The following UPF1 variants were observed in gnomAD, a reference collection of about 807,000 sequenced individuals.
UPF1 encodes the protein regulator of nonsense transcripts 1.
Under a neutral mutation model 129.2 loss-of-function variants are expected in UPF1, and 9 were observed. The observed-to-expected ratio is 0.07, with a 90% CI of 0.04 to 0.12. The LOEUF (loss-of-function observed/expected upper bound fraction) is 0.12, where lower values mean the gene tolerates loss of function less well. UPF1 is among the 10% of genes least tolerant of loss of function. UPF1 has a pLI of 1.00. For synonymous variants in UPF1, 649 were observed against 644.9 expected (o/e 1.01, Z -0.10); for missense variants, 788 against 1,525.3 (o/e 0.52, Z 8.05).
chr19:18,832,078 GC>G lies in UPF1; in HGVS notation c.-131del. The stretch of plus-strand genomic sequence containing the variant: ...CTCTCGGTCCGGCTGGCGCCGGGGC[GC>G]GCGGTTTGGTCCTTTCCGGGCGCGC... On this transcript the variant is annotated 5_prime_UTR_variant, in exon 1 of 24. Coordinates refer to ENST00000262803, the MANE Select transcript of UPF1 (RefSeq NM_002911.4). The surrounding 1 kb of genome is among the most constrained non-coding windows in gnomAD (Gnocchi z 5.6). 1.2e-6 allele frequency: 1 copy of G among 825,658 alleles called. No individual in the cohort carries two copies. The highest frequency in any genetic ancestry group is 1.6e-6 in the Non-Finnish European group (1 of 608,702). 51.1% of individuals were successfully genotyped at this position (825,658 alleles called of 1,614,324 possible).
intron 11 of UPF1, 159 bp downstream of exon 11, chr19:18,855,401 G>C: frequency 3.9e-6 from 3 of 775,236 alleles, no homozygotes; most frequent in South Asian, 3.7e-5. Context: ...GACATTATTC[G>C]TGTCAGCTCC....
Position 18,851,585 on chromosome 19 carries a change from C to T in UPF1, c.811-550C>T, listed in dbSNP as rs533537223. On this transcript the variant is annotated intron_variant, in intron 5 of 23. Coordinates refer to ENST00000262803, the MANE Select transcript of UPF1 (RefSeq NM_002911.4). The surrounding 1 kb of genome is among the most constrained non-coding windows in gnomAD (Gnocchi z 4.2). ...TATATCTGAACAGCCCAGAAAATGT[C>T]CTGTCCCCACCAGCATGGCACTCAC... Among the ~76,000 whole-genome samples, 1 of 152,210 alleles carries T rather than the reference C, an allele frequency of 6.6e-6. No homozygotes were observed. The highest frequency in any genetic ancestry group is 6.5e-5 in the Admixed American group (1 of 15,290).
chr19:18,857,079 G>C (rs759114497), intron 14 of UPF1, 59 bp downstream of exon 14: 1 of 1,573,286 alleles, frequency 6.4e-7, no homozygotes, highest in Non-Finnish European at 8.6e-7. Context: ...CTTGGTGTTT[G>C]TCTTTTAAAA....
Position 18,832,486 on chromosome 19 carries a change from G to T in UPF1, c.231+46G>T. ...CCGGAAGCCCGGGCCCGGCCTCGGCGCCTGAGACCTGCCCCGAACTCGCCT... is the reference window on the plus strand; with the variant it reads ...CCGGAAGCCCGGGCCCGGCCTCGGCTCCTGAGACCTGCCCCGAACTCGCCT... On this transcript the variant is annotated intron_variant, in intron 1 of 23. Transcript: ENST00000262803. This position sits in a 1 kb window ranked among gnomAD's most constrained non-coding sequence, Gnocchi z 5.6. The T allele has an allele frequency of 8.0e-6, 8 of 995,260 alleles. No individual in the cohort carries two copies. The highest frequency in any genetic ancestry group is 9.6e-6 in the Non-Finnish European group (8 of 835,418). The allele number at this position is 995,260 out of a possible 1,614,324, so 61.7% of individuals were successfully genotyped here. A position where few individuals can be genotyped will look rare whatever the true frequency, so the allele number is the denominator to read the frequency against.
intron 1 of UPF1, among the ~76,000 whole-genome samples, chr19:18,837,192 C>T (rs916874263): frequency 6.6e-5 from 10 of 151,904 alleles, no homozygotes; most frequent in African/African-American, 1.7e-4. Context: ...TGGGCTCAAG[C>T]GATCCTTCCA....
chr19:18,857,817 T>C (rs1281960153), intron 15 of UPF1, among the ~76,000 whole-genome samples: 1 of 152,240 alleles, frequency 6.6e-6, no homozygotes, highest in East Asian at 1.9e-4. Flanking sequence ...GACAGGCTGT[T>C]AGGGGAGCTG....
intron 19 of UPF1, 95 bp downstream of exon 19, chr19:18,863,707 T>G: frequency 1.5e-6 from 2 of 1,372,374 alleles, no homozygotes; most frequent in African/African-American, 1.5e-5. Flanking sequence ...GCCCGTGAGC[T>G]GAGGGAGGGC....
intron 18 of UPF1, 105 bp downstream of exon 18, chr19:18,862,257 C>G (rs1350976375): frequency 6.0e-6 from 9 of 1,499,878 alleles, no homozygotes; most frequent in Non-Finnish European, 7.1e-6. Context: ...GGTCAGAGGA[C>G]TCTGAGCAGC....
In UPF1 at chr19:18,832,901, C is replaced by T. The variant is rs1306398838; in HGVS notation, c.231+461C>T. Among the ~76,000 whole-genome samples the T allele has an allele frequency of 6.6e-6, 1 of 152,162 alleles. No individual in the cohort carries two copies. The highest frequency in any genetic ancestry group is 1.5e-5 in the Non-Finnish European group (1 of 68,016). Reference sequence around the variant, plus strand: ...TTCCATTCCATCCGGGCTAGGGTGACCTGCCCTGGTCCCTCTTTCGCAGGT... The same window carrying T: ...TTCCATTCCATCCGGGCTAGGGTGATCTGCCCTGGTCCCTCTTTCGCAGGT... On this transcript the variant is annotated intron_variant, in intron 1 of 23. Transcript: ENST00000262803. The surrounding 1 kb of genome is among the most constrained non-coding windows in gnomAD (Gnocchi z 5.6).
rs763972036 is a variant in UPF1, at chr19:18,865,031, G to A, written c.2858-258G>A. ...ATTATAGGCTTGAGCCAACACGCCC[G>A]GCCCCAATTTTCAGTTTTTAAGATC... On this transcript the variant is annotated intron_variant, in intron 20 of 23. Transcript: ENST00000262803. This position sits in a 1 kb window ranked among gnomAD's most constrained non-coding sequence, Gnocchi z 6.1. Among the ~76,000 whole-genome samples, 2 of 152,184 alleles carry A rather than the reference G, an allele frequency of 1.3e-5. No homozygotes were observed. Among genetic ancestry groups the A allele is most frequent in the Non-Finnish European group, 1.5e-5 (1 of 68,034 alleles).
intron 16 of UPF1, among the ~76,000 whole-genome samples, 190 bp from the exon 17 acceptor site, chr19:18,860,636 A>C (rs1206003614): frequency 1.3e-5 from 2 of 152,176 alleles, no homozygotes; most frequent in African/African-American, 4.8e-5. Context: ...GATACTTGCT[A>C]ATCCCACATG....
rs1022791260 is a variant in UPF1, at chr19:18,860,682, A to G, written c.2301-144A>G. 98 of 1,229,500 alleles carry G rather than the reference A, an allele frequency of 8.0e-5. No individual in the cohort carries two copies. The African/African-American group carries it at 1.4e-3, about 17-fold the overall frequency. The allele number at this position is 1,229,500 out of a possible 1,614,324, so 76.2% of individuals were successfully genotyped here. A position where few individuals can be genotyped will look rare whatever the true frequency, so the allele number is the denominator to read the frequency against. On this transcript the variant is annotated intron_variant, in intron 16 of 23. Transcript: ENST00000262803. ...CTGCCCCTCGAGACTCCCCTGGTGAAGGCTGGGGAAGCTCAGCTGTGCAAA... is the reference window on the plus strand; with the variant it reads ...CTGCCCCTCGAGACTCCCCTGGTGAGGGCTGGGGAAGCTCAGCTGTGCAAA...
intron 1 of UPF1, among the ~76,000 whole-genome samples, chr19:18,836,619 T>C (rs751189352): frequency 1.2e-4 from 18 of 152,180 alleles, no homozygotes; most frequent in Non-Finnish European, 1.9e-4. Context: ...GTGATAGTTT[T>C]ATGGGTGTTT....
In UPF1 at chr19:18,832,063, G is replaced by A. The variant is rs2055430755; in HGVS notation, c.-147G>A. On this transcript the variant is annotated 5_prime_UTR_variant, in exon 1 of 24. Coordinates refer to ENST00000262803, the MANE Select transcript of UPF1 (RefSeq NM_002911.4). The surrounding 1 kb of genome is among the most constrained non-coding windows in gnomAD (Gnocchi z 5.6). Reference sequence around the variant, plus strand: ...GCTCGGCACTGTTACCTCTCGGTCCGGCTGGCGCCGGGGCGCGCGGTTTGG... The same window carrying A: ...GCTCGGCACTGTTACCTCTCGGTCCAGCTGGCGCCGGGGCGCGCGGTTTGG... The A allele has an allele frequency of 1.4e-6, 1 of 710,776 alleles. No individual in the cohort carries two copies. The highest frequency in any genetic ancestry group is 3.9e-5 in the East Asian group (1 of 25,322). 44.0% of individuals were successfully genotyped at this position (710,776 alleles called of 1,614,324 possible). A position where few individuals can be genotyped will look rare whatever the true frequency, so the allele number is the denominator to read the frequency against.
At chr19:18,835,483 A>C (rs2055474093) in intron 1 of UPF1, among the ~76,000 whole-genome samples, 1 of 152,084 alleles carries the variant, frequency 6.6e-6, no homozygotes. Context: ...CTGGGATTAC[A>C]GGTGCACACC....
At chr19:18,838,463 A>G (rs2055506235) in intron 1 of UPF1, among the ~76,000 whole-genome samples, 1 of 152,226 alleles carries the variant, frequency 6.6e-6, no homozygotes, top group African/African-American at 2.4e-5. Context: ...AGCTTGACCA[A>G]CATGGAGAAA....
At chr19:18,844,969 A>G (rs1260415359) in intron 1 of UPF1, among the ~76,000 whole-genome samples, 1 of 152,266 alleles carries the variant, frequency 6.6e-6, no homozygotes, top group Non-Finnish European at 1.5e-5. Context: ...CTGTGCGTGC[A>G]GGTAGCACGT....
Position 18,832,354 on chromosome 19 carries a change from G to A in UPF1, c.145G>A (p.Gly49Ser), listed in dbSNP as rs751425860. The A allele has an allele frequency of 5.2e-6, 7 of 1,339,658 alleles. No homozygotes were observed. The highest frequency in any genetic ancestry group is 1.7e-5 in the South Asian group (1 of 59,700). 83.0% of individuals were successfully genotyped at this position (1,339,658 alleles called of 1,614,324 possible). A position where few individuals can be genotyped will look rare whatever the true frequency, so the allele number is the denominator to read the frequency against. ...TLPSQTQTPP[G>S]GPGGPGGGGA... is the part of the protein sequence containing the mutation. ...TCCTAGCCAGACGCAGACGCCCCCC[G>A]GCGGCCCCGGCGGCCCGGGCGGTGG... The change falls in exon 1 of 24, where the codon GGC becomes AGC. Residue 49 changes from glycine (G) to serine (S), a missense_variant. Physicochemically the swap from Gly to Ser is moderately conservative, Grantham distance 56. This residue lies in a region of UPF1 where 112 missense variants were observed against 128.2 expected (regional missense o/e 0.87). Coordinates refer to ENST00000262803, the MANE Select transcript of UPF1 (RefSeq NM_002911.4). This position sits in a 1 kb window ranked among gnomAD's most constrained non-coding sequence, Gnocchi z 5.6.
intron 11 of UPF1, 91 bp downstream of exon 11, chr19:18,855,333 C>A: frequency 7.0e-7 from 1 of 1,424,420 alleles, no homozygotes; most frequent in Non-Finnish European, 9.6e-7. Flanking sequence ...TGGGCTCTGT[C>A]ACACCGAAGA....
Sources: gnomAD v4.1 joint callset for allele counts (sites outside exome capture counted in the v4.1 genomes callset) on GRCh38, gnomAD v4.1.1 for gene constraint, gnomAD v4.1.1 regional missense constraint, Gnocchi (gnomAD v3.1) non-coding constraint, MANE v1.5 for transcripts, NCBI Gene and HGNC (gene_info 2026-07-23, HGNC 2026-07-21) for gene names.